PPFIA2: variants seen among roughly 807,000 people sequenced by gnomAD.
PPFIA2 encodes the protein PPFI scaffold protein A2.
PPFIA2 carries 46 observed loss-of-function variants against 175.5 expected under a neutral mutation model. The ratio of observed to expected loss-of-function variants is 0.26; its 90% CI spans 0.21 to 0.34. The LOEUF is 0.34. Ranked by LOEUF, PPFIA2 falls within the 10% of genes least tolerant of loss-of-function variation. The probability of loss-of-function intolerance (pLI) is 1.00; values close to 1 mark genes in which losing one functional copy is unlikely to be tolerated. For synonymous variants in PPFIA2, 568 were observed against 511.4 expected (o/e 1.11, Z -1.49); for missense variants, 1,179 against 1,506.1 (o/e 0.78, Z 3.60).
intron 8 of PPFIA2, among the ~76,000 whole-genome samples, chr12:81,393,061 A>G (rs2040447076): frequency 1.3e-5 from 2 of 151,856 alleles, no homozygotes; most frequent in African/African-American, 4.8e-5. Flanking sequence ...CTTGTTTCTT[A>G]TTTTCATTCT....
chr12:81,291,159 G>T (rs1203506881), intron 24 of PPFIA2, among the ~76,000 whole-genome samples: 1 of 151,694 alleles, frequency 6.6e-6, no homozygotes, highest in Non-Finnish European at 1.5e-5. Context: ...TCTAAAATCA[G>T]TATTTTTTAA....
At chr12:81,347,492 T>C in intron 18 of PPFIA2, 41 bp downstream of exon 18, 1 of 1,494,946 alleles carries the variant, frequency 6.7e-7, no homozygotes, top group South Asian at 1.1e-5. Context: ...GCATCATTAA[T>C]CTTAACAGGA....
At chr12:81,395,239 C>T (rs571665434) in intron 8 of PPFIA2, among the ~76,000 whole-genome samples, 4 of 151,862 alleles carry the variant, frequency 2.6e-5, no homozygotes, top group African/African-American at 9.6e-5. Flanking sequence ...ACTATAAATG[C>T]CTAGAAATAA....
At chr12:81,663,610 T>G (rs1770511047) in intron 4 of PPFIA2, among the ~76,000 whole-genome samples, 1 of 152,206 alleles carries the variant, frequency 6.6e-6, no homozygotes, top group Admixed American at 6.5e-5. Flanking sequence ...ATGGCCATAC[T>G]GCCCAAGGGA....
chr12:81,668,073 T>C (rs989856964), intron 4 of PPFIA2, among the ~76,000 whole-genome samples: 2 of 152,086 alleles, frequency 1.3e-5, no homozygotes, highest in African/African-American at 4.8e-5. Flanking sequence ...GGACATCCCA[T>C]GCTACACAGA....
At chr12:81,502,613 G>A (rs754227678) in intron 4 of PPFIA2, among the ~76,000 whole-genome samples, 7 of 152,082 alleles carry the variant, frequency 4.6e-5, no homozygotes, top group African/African-American at 1.2e-4. Context: ...TGATTCATTC[G>A]TTCATCCTAA....
At chr12:81,699,743 C>G (rs1010963837) in intron 3 of PPFIA2, among the ~76,000 whole-genome samples, 3 of 151,944 alleles carry the variant, frequency 2.0e-5, no homozygotes, top group African/African-American at 4.8e-5. Flanking sequence ...ATTATTCTCT[C>G]TGAATACACA....
intron 4 of PPFIA2, among the ~76,000 whole-genome samples, chr12:81,533,778 T>G (rs1295231624): frequency 2.0e-5 from 3 of 151,190 alleles, no homozygotes; most frequent in Admixed American, 1.3e-4. Context: ...CATTTGTGTA[T>G]ATACAAATGT....
chr12:81,268,136 T>C (rs12304688), intron 28 of PPFIA2, 49 bp from the exon 29 acceptor site: 172,969 of 555,840 alleles, frequency 0.31, 4,334 homozygotes, highest in Middle Eastern at 0.34. Context: ...TTCTTTCTTT[T>C]TTTTTTTTTT....
chr12:81,655,838 A>G (rs549793610), intron 4 of PPFIA2, among the ~76,000 whole-genome samples: 12 of 152,108 alleles, frequency 7.9e-5, no homozygotes, highest in Admixed American at 3.9e-4. Context: ...TTCTAGTCCA[A>G]TCAGATCTGC....
At chr12:81,476,594 A>C (rs2057502283) in intron 4 of PPFIA2, among the ~76,000 whole-genome samples, 1 of 152,194 alleles carries the variant, frequency 6.6e-6, no homozygotes, top group South Asian at 2.1e-4. Context: ...TTCACATTTC[A>C]ATAGTGAAAG....
rs769719901 is a variant in PPFIA2, at chr12:81,674,480, C to T, written c.303+2311G>A. Among the ~76,000 whole-genome samples, 5 of 151,990 alleles carry T rather than the reference C, an allele frequency of 3.3e-5. No homozygotes were observed. In the East Asian group the frequency reaches 7.8e-4, roughly 24 times the overall value. ...GTCAGGAGTTCAAGACCAGCCTGAC[C>T]AACACGGTGAAACCCTGTATCTACT... On this transcript the variant is annotated intron_variant, in intron 4 of 32. Transcript: ENST00000549396.
At chr12:81,540,503 T>C (rs745367895) in intron 4 of PPFIA2, among the ~76,000 whole-genome samples, 7 of 152,160 alleles carry the variant, frequency 4.6e-5, no homozygotes, top group Non-Finnish European at 8.8e-5. Context: ...AGAGATTAAA[T>C]TGATGTTAAA....
chr12:81,392,371 T>C (rs2040289120), intron 8 of PPFIA2, among the ~76,000 whole-genome samples: 1 of 151,808 alleles, frequency 6.6e-6, no homozygotes, highest in African/African-American at 2.4e-5. Context: ...AAATGACTAA[T>C]TAGATGTCAA....
At chr12:81,512,385 A>G (rs2061908663) in intron 4 of PPFIA2, 1 of 1,284,688 alleles carries the variant, frequency 7.8e-7, no homozygotes, top group Non-Finnish European at 1.0e-6. Flanking sequence ...TGAGCATTCT[A>G]CCTTCTAAAC....
intron 8 of PPFIA2, among the ~76,000 whole-genome samples, chr12:81,391,237 T>C (rs148729664): frequency 6.3e-4 from 95 of 151,894 alleles, no homozygotes; most frequent in African/African-American, 2.1e-3. Flanking sequence ...CAAAGATGAG[T>C]TATTATATTT....
At chr12:81,540,157 T>A (rs1048847919) in intron 4 of PPFIA2, among the ~76,000 whole-genome samples, 2 of 151,958 alleles carry the variant, frequency 1.3e-5, no homozygotes, top group Admixed American at 1.3e-4. Context: ...CAACTCCTGT[T>A]CTCTTGCCCT....
chr12:81,681,807 T>C (rs2073690630), intron 3 of PPFIA2, among the ~76,000 whole-genome samples: 1 of 151,894 alleles, frequency 6.6e-6, no homozygotes, highest in Non-Finnish European at 1.5e-5. Flanking sequence ...CAGCCAATTA[T>C]GTTAAAGAAA....
chr12:81,367,613 G>T (rs540046762), intron 13 of PPFIA2, among the ~76,000 whole-genome samples: 44 of 151,508 alleles, frequency 2.9e-4, no homozygotes, highest in Non-Finnish European at 4.7e-4. Context: ...TCACTTTCTG[G>T]ACATCTACTG....
Sources: allele counts gnomAD v4.1 joint callset (sites outside exome capture counted in the v4.1 genomes callset), GRCh38; gene constraint gnomAD v4.1.1; transcripts MANE v1.5; gene names NCBI Gene and HGNC (gene_info 2026-07-23, HGNC 2026-07-21).